The following LRP1B variants were observed in gnomAD, a reference collection of about 807,000 sequenced individuals.
LRP1B encodes the protein low-density lipoprotein receptor-related protein 1B.
LRP1B carries 217 observed loss-of-function variants against 556.6 expected under a neutral mutation model. That is an observed-to-expected ratio of 0.39 (90% CI 0.35 to 0.44). The LOEUF is 0.44. Among genes scored for constraint, LRP1B ranks in the 20% least tolerant of loss-of-function variants. The pLI is 1.00. For missense variants in LRP1B, 5,053 were observed against 5,620.8 expected, an observed-to-expected ratio of 0.90 and a Z score of 3.23; for synonymous variants, 2,047 against 1,865.8, an observed-to-expected ratio of 1.10 and a Z score of -2.50.
intron 1 of LRP1B, among the ~76,000 whole-genome samples, chr2:142,002,246 C>G (rs1301160734): frequency 6.6e-6 from 1 of 152,070 alleles, no homozygotes; most frequent in Admixed American, 6.6e-5. Context: ...CCTTCTTTAA[C>G]AGTCAAGAAT....
intron 41 of LRP1B, among the ~76,000 whole-genome samples, chr2:140,676,039 C>T (rs1685660850): frequency 6.6e-6 from 1 of 152,038 alleles, no homozygotes; most frequent in South Asian, 2.1e-4. Flanking sequence ...TTTAGAATTA[C>T]TACAATAAAT....
intron 1 of LRP1B, among the ~76,000 whole-genome samples, chr2:141,818,385 A>G (rs1290545103): frequency 6.6e-6 from 1 of 152,218 alleles, no homozygotes; most frequent in East Asian, 1.9e-4. Flanking sequence ...TAAATTGCTC[A>G]GAATTCCATT....
At position 140,741,403 on chromosome 2, in the gene LRP1B, A is replaced by G. The variant is rs182256898; in HGVS notation, c.5759-24587T>C. Among the ~76,000 whole-genome samples the G allele has an allele frequency of 3.3e-5, 5 of 151,958 alleles. No individual in the cohort carries two copies. In the East Asian group the frequency reaches 9.6e-4, roughly 29 times the overall value. On this transcript the variant is annotated intron_variant, in intron 35 of 90. Coordinates refer to ENST00000389484, the MANE Select transcript of LRP1B (RefSeq NM_018557.3). ...AAGAGATTAAGATCAAGTTGCCAAC[A>G]TGACTCTGAAGATGACAGAAAAATA...
intron 66 of LRP1B, among the ~76,000 whole-genome samples, chr2:140,413,201 A>G (rs1256097342): frequency 1.3e-5 from 2 of 152,128 alleles, no homozygotes; most frequent in African/African-American, 4.8e-5. Context: ...ATTCTATCAC[A>G]TTGGACCTAA....
chr2:141,722,729 C>CATAG (rs58081113), intron 2 of LRP1B, among the ~76,000 whole-genome samples: 42,668 of 145,854 alleles, frequency 0.29, 6,225 homozygotes, highest in African/African-American at 0.32. Context: ...CAGATAGATA[C>CATAG]ATAGATAGAT....
At chr2:140,532,092 C>G (rs920679165) in intron 47 of LRP1B, among the ~76,000 whole-genome samples, 2 of 152,030 alleles carry the variant, frequency 1.3e-5, no homozygotes, top group African/African-American at 2.4e-5. Flanking sequence ...TATCTACATG[C>G]CTGTGAAACA....
At chr2:140,538,381 TC>T (rs1413259515) in intron 45 of LRP1B, among the ~76,000 whole-genome samples, 1 of 152,064 alleles carries the variant, frequency 6.6e-6, no homozygotes, top group Non-Finnish European at 1.5e-5. Context: ...CGTCTTTCTC[TC>T]CCCACTCTAA....
chr2:141,196,873 G>A (rs1681774511), intron 6 of LRP1B, among the ~76,000 whole-genome samples: 1 of 152,010 alleles, frequency 6.6e-6, no homozygotes, highest in African/African-American at 2.4e-5. Flanking sequence ...CCTGTTTTCT[G>A]CCAAAGTAGT....
chr2:140,327,476 G>GTT (rs1680549705), intron 79 of LRP1B, among the ~76,000 whole-genome samples: 1 of 152,036 alleles, frequency 6.6e-6, no homozygotes, highest in African/African-American at 2.4e-5. Context: ...CATGTAAGAA[G>GTT]ATATGTTTTT....
intron 7 of LRP1B, among the ~76,000 whole-genome samples, chr2:141,156,269 A>G (rs1322570249): frequency 6.6e-6 from 1 of 152,140 alleles, no homozygotes; most frequent in East Asian, 1.9e-4. Flanking sequence ...TGGATTTTGA[A>G]GCACTTAGTG....
intron 3 of LRP1B, among the ~76,000 whole-genome samples, chr2:141,420,453 G>A (rs534699710): frequency 1.2e-4 from 19 of 152,290 alleles, no homozygotes; most frequent in African/African-American, 4.3e-4. Context: ...TTCTGGACCT[G>A]TGAATGCAAT....
intron 6 of LRP1B, among the ~76,000 whole-genome samples, chr2:141,201,071 T>C (rs1681993406): frequency 6.6e-6 from 1 of 152,154 alleles, no homozygotes; most frequent in Non-Finnish European, 1.5e-5. Context: ...AGGACCTATA[T>C]TATTTAACAT....
At chr2:141,380,872 G>T (rs537000582) in intron 3 of LRP1B, among the ~76,000 whole-genome samples, 1 of 152,132 alleles carries the variant, frequency 6.6e-6, no homozygotes, top group Non-Finnish European at 1.5e-5. Context: ...GCAGATGGTG[G>T]TTAGGATAAG....
chr2:141,722,175 C>T (rs1292880030), intron 2 of LRP1B, among the ~76,000 whole-genome samples: 3 of 152,038 alleles, frequency 2.0e-5, no homozygotes, highest in Non-Finnish European at 2.9e-5. Context: ...GTCAGGAGTT[C>T]GAGGCCAACC....
chr2:140,290,678 T>C (rs995126675), intron 84 of LRP1B, among the ~76,000 whole-genome samples: 4 of 152,116 alleles, frequency 2.6e-5, no homozygotes, highest in African/African-American at 9.7e-5. Flanking sequence ...TTTGGTCGCT[T>C]TTAGCTGGGC....
chr2:140,730,182 C>CA (rs1574290805), intron 35 of LRP1B, among the ~76,000 whole-genome samples: 1 of 152,272 alleles, frequency 6.6e-6, no homozygotes, highest in East Asian at 1.9e-4. Context: ...TGAATGTTTG[C>CA]AAAAGCCTCC....
chr2:140,409,160 A>C (rs1457560994), intron 66 of LRP1B, among the ~76,000 whole-genome samples: 1 of 151,790 alleles, frequency 6.6e-6, no homozygotes, highest in Non-Finnish European at 1.5e-5. Flanking sequence ...GCCATGATGA[A>C]TTCATTGGCC....
chr2:140,979,280 T>A (rs1391153712), intron 18 of LRP1B, among the ~76,000 whole-genome samples: 1 of 152,176 alleles, frequency 6.6e-6, no homozygotes, highest in Non-Finnish European at 1.5e-5. Flanking sequence ...CACCTGGTCG[T>A]GAGAGCCTAT....
intron 66 of LRP1B, among the ~76,000 whole-genome samples, chr2:140,429,715 T>C (rs11899209): frequency 0.038 from 5,846 of 152,240 alleles, 346 homozygotes; most frequent in African/African-American, 0.13. Context: ...GAGCCAGGAC[T>C]GCACCCTGTA....
Sources: gnomAD v4.1 joint callset for allele counts (sites outside exome capture counted in the v4.1 genomes callset) on GRCh38, gnomAD v4.1.1 for gene constraint, MANE v1.5 for transcripts, NCBI Gene and HGNC (gene_info 2026-07-23, HGNC 2026-07-21) for gene names.